The following CNTNAP5 variants were observed in gnomAD, a reference collection of about 807,000 sequenced individuals.
The protein encoded by CNTNAP5 is contactin-associated protein-like 5.
Under a neutral mutation model 150.2 loss-of-function variants are expected in CNTNAP5, and 72 were observed. The observed-to-expected ratio is 0.48, with a 90% CI of 0.40 to 0.58. The LOEUF is 0.58. Ranked by LOEUF, CNTNAP5 falls within the 20% of genes least tolerant of loss-of-function variation. The probability of loss-of-function intolerance (pLI) is 0.00; values close to 1 mark genes in which losing one functional copy is unlikely to be tolerated. For synonymous variants in CNTNAP5, 672 were observed against 619.8 expected, an observed-to-expected ratio of 1.08 and a Z score of -1.25; for missense variants, 1,636 against 1,626.2, an observed-to-expected ratio of 1.01 and a Z score of -0.10.
chr2:124,883,757 G>A lies in CNTNAP5; in HGVS notation c.3436+13995G>A, dbSNP rs141808898. ...TTGTACATGCATGTATATGCATATG[G>A]GTGCATGCTTGCATATGTCCATGTG... On this transcript the variant is annotated intron_variant, in intron 21 of 23. Transcript: ENST00000682447. Among the ~76,000 whole-genome samples, 211 of 152,096 alleles carry A rather than the reference G, an allele frequency of 1.4e-3. 2 individuals carry two copies. The highest frequency in any genetic ancestry group is 0.013 in the South Asian group (64 of 4,822).
chr2:124,793,810 A>G (rs1320342881), intron 18 of CNTNAP5, among the ~76,000 whole-genome samples: 1 of 152,186 alleles, frequency 6.6e-6, no homozygotes, highest in Non-Finnish European at 1.5e-5. Flanking sequence ...CACACACACC[A>G]TTAATAAAGA....
chr2:124,434,731 C>G lies in CNTNAP5; in HGVS notation c.733+44C>G, dbSNP rs1455590169. 3 of 1,510,294 alleles carry G rather than the reference C, an allele frequency of 2.0e-6. No individual in the cohort carries two copies. In the African/African-American group the frequency reaches 4.1e-5, roughly 21 times the overall value. The allele number at this position is 1,510,294 out of a possible 1,614,324, so 93.6% of individuals were successfully genotyped here. On this transcript the variant is annotated intron_variant, in intron 5 of 23. Coordinates refer to ENST00000682447, the MANE Select transcript of CNTNAP5 (RefSeq NM_001367498.1). ...TTCCAATGCCAAGGGATGGAGAGCT[C>G]CTTTACTCCACAGCTCACAGTGTCT...
In CNTNAP5 at chr2:124,650,468, C is replaced by T. The variant is rs374856065; in HGVS notation, c.2077+2510C>T. ...AACATTTGTAGCCACATGGATTCAA[C>T]AGCCAGCATCCAGGGCATACACCTA... On this transcript the variant is annotated intron_variant, in intron 13 of 23. Coordinates refer to ENST00000682447, the MANE Select transcript of CNTNAP5 (RefSeq NM_001367498.1). 5.3e-5 allele frequency among the ~76,000 whole-genome samples: 8 copies of T among 152,218 alleles called. No homozygotes were observed. In the East Asian group the frequency reaches 9.6e-4, roughly 18 times the overall value.
At chr2:124,343,378 T>C (rs927421012) in intron 3 of CNTNAP5, among the ~76,000 whole-genome samples, 2 of 152,174 alleles carry the variant, frequency 1.3e-5, no homozygotes, top group Non-Finnish European at 2.9e-5. Flanking sequence ...TAATTTAACA[T>C]ATTGGATAAG....
At chr2:124,061,522 C>T (rs939611429) in intron 1 of CNTNAP5, among the ~76,000 whole-genome samples, 1 of 152,068 alleles carries the variant, frequency 6.6e-6, no homozygotes, top group Non-Finnish European at 1.5e-5. Context: ...TGGCCACTTT[C>T]CTAAAAGAAA....
chr2:124,325,005 A>G (rs1277414887), intron 3 of CNTNAP5, among the ~76,000 whole-genome samples: 6 of 152,200 alleles, frequency 3.9e-5, no homozygotes, highest in Admixed American at 3.9e-4. Context: ...AGAGTTATTC[A>G]TTCAGGAACA....
intron 8 of CNTNAP5, among the ~76,000 whole-genome samples, chr2:124,510,516 T>TATATAC (rs1553474741): frequency 3.0e-4 from 37 of 123,154 alleles, no homozygotes; most frequent in African/African-American, 1.0e-3. Context: ...TATATATATA[T>TATATAC]ATACATATAT....
At chr2:124,515,295 G>T (rs1442816203) in intron 8 of CNTNAP5, among the ~76,000 whole-genome samples, 1 of 152,176 alleles carries the variant, frequency 6.6e-6, no homozygotes, top group Non-Finnish European at 1.5e-5. Flanking sequence ...AGCGGGGGGT[G>T]TCCCAAAACG....
chr2:124,525,806 T>C (rs1406794294), intron 9 of CNTNAP5, among the ~76,000 whole-genome samples: 1 of 152,176 alleles, frequency 6.6e-6, no homozygotes, highest in East Asian at 1.9e-4. Context: ...CCTTGTGCAG[T>C]AGGTAATATC....
At chr2:124,756,445 G>T (rs1350911952) in intron 14 of CNTNAP5, among the ~76,000 whole-genome samples, 8 of 152,132 alleles carry the variant, frequency 5.3e-5, no homozygotes, top group Non-Finnish European at 7.3e-5. Flanking sequence ...ACCATTTTAT[G>T]ATAAAGATAC....
At chr2:124,693,894 G>T (rs1679351775) in intron 13 of CNTNAP5, among the ~76,000 whole-genome samples, 1 of 151,476 alleles carries the variant, frequency 6.6e-6, no homozygotes, top group East Asian at 1.9e-4. Flanking sequence ...TTCACAGCTG[G>T]CTCTAACCAG....
At chr2:124,795,234 G>T (rs190796127) in intron 18 of CNTNAP5, among the ~76,000 whole-genome samples, 38 of 152,266 alleles carry the variant, frequency 2.5e-4, no homozygotes, top group African/African-American at 8.7e-4. Flanking sequence ...ATGGGATCCT[G>T]TGATTGCAGG....
chr2:124,650,137 A>G (rs1003941075), intron 13 of CNTNAP5, among the ~76,000 whole-genome samples: 2 of 152,302 alleles, frequency 1.3e-5, no homozygotes, highest in East Asian at 3.9e-4. Context: ...GTCTTCATTA[A>G]TCGTCTTTCC....
At chr2:124,186,924 T>A (rs1035506056) in intron 1 of CNTNAP5, among the ~76,000 whole-genome samples, 2 of 152,186 alleles carry the variant, frequency 1.3e-5, no homozygotes, top group Non-Finnish European at 2.9e-5. Context: ...GGGTCTTACA[T>A]CCTTCTTGTG....
chr2:124,635,350 A>G (rs1203622139), intron 12 of CNTNAP5, among the ~76,000 whole-genome samples: 1 of 152,114 alleles, frequency 6.6e-6, no homozygotes, highest in Non-Finnish European at 1.5e-5. Flanking sequence ...AGAAATTGCC[A>G]CCATGTTCCA....
chr2:124,424,409 A>G (rs1243262873), intron 4 of CNTNAP5, among the ~76,000 whole-genome samples: 1 of 152,196 alleles, frequency 6.6e-6, no homozygotes, highest in Non-Finnish European at 1.5e-5. Flanking sequence ...TTGGCAGTCC[A>G]ATGTGAACTT....
chr2:124,703,704 T>G (rs1450690435), intron 13 of CNTNAP5, among the ~76,000 whole-genome samples: 2 of 152,192 alleles, frequency 1.3e-5, no homozygotes, highest in Non-Finnish European at 2.9e-5. Flanking sequence ...AAGGGAGGCT[T>G]TAAGACATCA....
chr2:124,273,945 A>G (rs1219439938), intron 3 of CNTNAP5, among the ~76,000 whole-genome samples: 4 of 152,192 alleles, frequency 2.6e-5, no homozygotes, highest in Non-Finnish European at 5.9e-5. Flanking sequence ...GTGTGAGTCC[A>G]CATTTGTAGG....
intron 6 of CNTNAP5, among the ~76,000 whole-genome samples, chr2:124,467,404 T>C (rs1475568812): frequency 6.6e-6 from 1 of 152,138 alleles, no homozygotes; most frequent in Non-Finnish European, 1.5e-5. Context: ...ATGATCAGTA[T>C]TCAATTTTTG....
Sources: gnomAD v4.1 joint callset for allele counts (sites outside exome capture counted in the v4.1 genomes callset) on GRCh38, gnomAD v4.1.1 for gene constraint, MANE v1.5 for transcripts, NCBI Gene and HGNC (gene_info 2026-07-23, HGNC 2026-07-21) for gene names.